SEC14L3: variants seen among roughly 807,000 people sequenced by gnomAD.
SEC14L3 encodes SEC14-like protein 3.
In SEC14L3, 56 loss-of-function variants were observed where a neutral mutation model predicts 57.4. That is an observed-to-expected ratio of 0.97 (90% CI 0.79 to 1.22). SEC14L3 has a LOEUF of 1.22. SEC14L3 is among the 50% of genes most tolerant of loss of function. SEC14L3 has a pLI of 0.00. For missense variants in SEC14L3, 485 were observed against 511.7 expected, an observed-to-expected ratio of 0.95 and a Z score of 0.50; for synonymous variants, 173 against 194.4, an observed-to-expected ratio of 0.89 and a Z score of 0.92.
At chr22:30,463,241 T>C (rs1174562528) in intron 8 of SEC14L3, among the ~76,000 whole-genome samples, 1 of 152,208 alleles carries the variant, frequency 6.6e-6, no homozygotes, top group Non-Finnish European at 1.5e-5. Context: ...CTCTGCCTAA[T>C]CACCATGACC....
At chr22:30,450,984 T>A (rs1302108687) in intron 12 of SEC14L3, among the ~76,000 whole-genome samples, 1 of 152,306 alleles carries the variant, frequency 6.6e-6, no homozygotes. Flanking sequence ...CCGGGCAGAA[T>A]GTTGTCCCCA....
chr22:30,455,650 G>A (rs944708490), downstream of SEC14L3, among the ~76,000 whole-genome samples: 3 of 152,324 alleles, frequency 2.0e-5, no homozygotes, highest in South Asian at 4.1e-4. Flanking sequence ...CAGTGTGGTG[G>A]TGGGTTCTTG....
chr22:30,459,792 T>C lies in SEC14L3; in HGVS notation c.*229A>G, dbSNP rs1935193118. ...TTTCATGACACCCACTTCTTGCCTT[T>C]ACCCTTGCTTTTTCCTCTTCTGCAA... On this transcript the variant is annotated 3_prime_UTR_variant, in exon 12 of 12. Coordinates refer to ENST00000215812, the MANE Select transcript of SEC14L3 (RefSeq NM_174975.5). 1.6e-6 allele frequency: 2 copies of C among 1,221,102 alleles called. No individual in the cohort carries two copies. Among genetic ancestry groups the C allele is most frequent in the Middle Eastern group, 6.6e-4 (2 of 3,024 alleles). 75.6% of individuals were successfully genotyped at this position (1,221,102 alleles called of 1,614,324 possible).
At chr22:30,455,230 ATAATATT>A (rs1381273809), downstream of SEC14L3, among the ~76,000 whole-genome samples, 41 of 126,264 alleles carry the variant, frequency 3.2e-4, no homozygotes, top group African/African-American at 7.9e-4. Context: ...AATATAATAT[ATAATATT>A]TAATATATTA....
intron 11 of SEC14L3, 89 bp downstream of exon 11, chr22:30,461,221 T>C (rs1465683991): frequency 6.9e-7 from 1 of 1,452,196 alleles, no homozygotes; most frequent in African/African-American, 1.4e-5. Context: ...ATGGGGGAGG[T>C]GTGTCACTGC....
At chr22:30,449,324 C>G (rs780907554) in intron 12 of SEC14L3, 6 of 1,517,946 alleles carry the variant, frequency 4.0e-6, no homozygotes, top group Non-Finnish European at 5.3e-6. Context: ...GTCACCAATA[C>G]TAAGGCATAT....
chr22:30,462,280 G>A, intron 8 of SEC14L3, 88 bp from the exon 9 acceptor site: 2 of 1,493,816 alleles, frequency 1.3e-6, no homozygotes, highest in Non-Finnish European at 1.8e-6. Context: ...TGAACTGGGG[G>A]AGAAGCCCTA....
chr22:30,458,650 A>G (rs1362013653), downstream of SEC14L3, among the ~76,000 whole-genome samples: 1 of 152,150 alleles, frequency 6.6e-6, no homozygotes, highest in Non-Finnish European at 1.5e-5. Flanking sequence ...CAGCCTCCCC[A>G]AGGGCTGGGA....
chr22:30,462,635 C>A (rs1409437230), intron 8 of SEC14L3, among the ~76,000 whole-genome samples: 1 of 152,062 alleles, frequency 6.6e-6, no homozygotes, highest in East Asian at 1.9e-4. Flanking sequence ...GTTGCCCAGG[C>A]TAGTCTCAAA....
chr22:30,459,469 A>G lies in SEC14L3; in HGVS notation c.*552T>C, dbSNP rs1018604072. 1.6e-5 allele frequency: 16 copies of G among 985,378 alleles called. No homozygotes were observed. The highest frequency in any genetic ancestry group is 5.2e-5 in the African/African-American group (3 of 57,230). The allele number at this position is 985,378 out of a possible 1,614,324, so 61.0% of individuals were successfully genotyped here. The stretch of plus-strand genomic sequence containing the variant: ...AGACTGAATTGTCTGGGTCTCCAGA[A>G]GAGAGTCCAACCCCACCACACATCT... On this transcript the variant is annotated 3_prime_UTR_variant, in exon 12 of 12. Coordinates refer to ENST00000215812, the MANE Select transcript of SEC14L3 (RefSeq NM_174975.5).
At chr22:30,456,892 G>T (rs1259274361), downstream of SEC14L3, among the ~76,000 whole-genome samples, 2 of 152,228 alleles carry the variant, frequency 1.3e-5, no homozygotes, top group Non-Finnish European at 2.9e-5. Context: ...TGGCTTGCCA[G>T]GGGTGGGCAT....
At position 30,461,658 on chromosome 22, in the gene SEC14L3, C is replaced by G. The variant is rs114917409; in HGVS notation, c.808G>C (p.Val270Leu). ...TACTGAGTCTTCACCTGGTCCCGCA[C>G]GTACATGGACTTGGGGATCTCCCCG... ...YGGEIPKSMY[V>L]RDQVKTQYEH... Residue 270 changes from valine (V) to leucine (L), a missense_variant, in exon 10 of 12, where the codon GTG becomes CTG. Val to Leu is a conservative substitution (Grantham distance 32). Coordinates refer to ENST00000215812, the MANE Select transcript of SEC14L3 (RefSeq NM_174975.5). The G allele has an allele frequency of 2.8e-3, 4,528 of 1,612,566 alleles. 40 individuals carry two copies. Among genetic ancestry groups the G allele is most frequent in the African/African-American group, 0.027 (2,023 of 74,996 alleles).
exon 13 of SEC14L3, chr22:30,448,799 G>A (rs1016003242): frequency 1.9e-5 from 6 of 323,822 alleles, no homozygotes; most frequent in Admixed American, 4.4e-5. Flanking sequence ...GGCTGAGAGG[G>A]GAGAATCACT....
chr22:30,459,358 C>A lies in SEC14L3; in HGVS notation c.*663G>T, dbSNP rs769278562. The A allele has an allele frequency of 7.3e-5, 72 of 985,346 alleles. No homozygotes were observed. The highest frequency in any genetic ancestry group is 8.1e-5 in the Non-Finnish European group (67 of 829,954). 61.0% of individuals were successfully genotyped at this position (985,346 alleles called of 1,614,324 possible). On this transcript the variant is annotated 3_prime_UTR_variant, in exon 12 of 12. Coordinates refer to ENST00000215812, the MANE Select transcript of SEC14L3 (RefSeq NM_174975.5). ...TGGGAAGCTGAGCGTGCAAGTCAGA[C>A]AAAGCCTGATGTAGGCAGCTCCTAT...
downstream of SEC14L3, among the ~76,000 whole-genome samples, chr22:30,458,150 G>A (rs966052367): frequency 2.6e-5 from 4 of 152,142 alleles, no homozygotes; most frequent in Admixed American, 2.0e-4. Flanking sequence ...GGTGTGATCC[G>A]GCTCCCCTGG....
At chr22:30,469,439 G>A (rs1935531444) in intron 4 of SEC14L3, among the ~76,000 whole-genome samples, 1 of 152,188 alleles carries the variant, frequency 6.6e-6, no homozygotes, top group South Asian at 2.1e-4. Flanking sequence ...TCACTCTTGG[G>A]ACTGTTGGGG....
chr22:30,455,771 G>C (rs2146091723), downstream of SEC14L3, among the ~76,000 whole-genome samples: 1 of 152,324 alleles, frequency 6.6e-6, no homozygotes, highest in Non-Finnish European at 1.5e-5. Context: ...TTTGGCCTCA[G>C]CAGAAATTTG....
intron 11 of SEC14L3, 140 bp downstream of exon 11, chr22:30,461,170 T>C: frequency 2.0e-6 from 2 of 1,013,516 alleles, no homozygotes; most frequent in Middle Eastern, 3.2e-4. Flanking sequence ...AGTGAGTGAC[T>C]GTATGAATGA....
chr22:30,450,593 G>A (rs968642302), intron 12 of SEC14L3, among the ~76,000 whole-genome samples: 3 of 152,102 alleles, frequency 2.0e-5, no homozygotes, highest in Admixed American at 6.5e-5. Flanking sequence ...ATGAGCTCCC[G>A]TGTCTGGCTG....
Sources: allele counts gnomAD v4.1 joint callset (sites outside exome capture counted in the v4.1 genomes callset), GRCh38; gene constraint gnomAD v4.1.1; transcripts MANE v1.5; gene names NCBI Gene and HGNC (gene_info 2026-07-23, HGNC 2026-07-21).